Variants in MYO3B observed in about 807,000 individuals in gnomAD.
The protein encoded by MYO3B is myosin IIIB, also known as myosin-IIIb.
In MYO3B, 156 loss-of-function variants were observed where a neutral mutation model predicts 174.6. That is an observed-to-expected ratio of 0.89 (90% CI 0.78 to 1.02). MYO3B has a LOEUF of 1.02. Ranked by LOEUF, MYO3B falls within the 50% of genes least tolerant of loss-of-function variation. The pLI, the probability that MYO3B is intolerant of heterozygous loss-of-function variation, is 0.00. For missense variants in MYO3B, 1,632 were observed against 1,639.4 expected (o/e 1.00, Z 0.08); for synonymous variants, 563 against 569.1 (o/e 0.99, Z 0.15).
At chr2:170,602,192 T>C in intron 32 of MYO3B, 1 of 1,240,006 alleles carries the variant, frequency 8.1e-7, no homozygotes, top group South Asian at 1.2e-5. Context: ...TATGATGACA[T>C]TTTGCCTCTC....
At chr2:170,440,423 A>G (rs1031312660) in intron 22 of MYO3B, among the ~76,000 whole-genome samples, 5 of 152,168 alleles carry the variant, frequency 3.3e-5, no homozygotes, top group African/African-American at 9.7e-5. Context: ...AGTGATGTCC[A>G]TCAGTTTATT....
intron 22 of MYO3B, among the ~76,000 whole-genome samples, chr2:170,424,289 C>G (rs2094643250): frequency 6.6e-6 from 1 of 152,162 alleles, no homozygotes; most frequent in Non-Finnish European, 1.5e-5. Context: ...TCTTGCCTTC[C>G]TGGCTCTAAG....
chr2:170,342,641 A>AAAT (rs551190478), intron 8 of MYO3B, among the ~76,000 whole-genome samples: 1 of 152,182 alleles, frequency 6.6e-6, no homozygotes, highest in Non-Finnish European at 1.5e-5. Context: ...AGCACTTGAC[A>AAAT]AATAATAATA....
In MYO3B at chr2:170,383,618, T is replaced by A. The variant is rs1424680091; in HGVS notation, c.1186-92T>A. ...AGTCTTCCTAATGCAACAAGTACCC[T>A]AATAAGTGACAGATTCTTGGTTTCA... On this transcript the variant is annotated intron_variant, in intron 11 of 34. Transcript: ENST00000408978. 2.3e-5 allele frequency: 22 copies of A among 949,168 alleles called. No homozygotes were observed. The East Asian group carries it at 5.1e-4, about 22-fold the overall frequency. 58.8% of individuals were successfully genotyped at this position (949,168 alleles called of 1,614,324 possible).
At chr2:170,549,231 A>G (rs989289934) in intron 32 of MYO3B, among the ~76,000 whole-genome samples, 2 of 152,138 alleles carry the variant, frequency 1.3e-5, no homozygotes, top group Non-Finnish European at 2.9e-5. Flanking sequence ...CTCACCTAAG[A>G]GGTACCTCTG....
intron 1 of MYO3B, among the ~76,000 whole-genome samples, chr2:170,186,605 A>G (rs13031415): frequency 2.0e-5 from 3 of 152,138 alleles, no homozygotes; most frequent in Admixed American, 6.6e-5. Flanking sequence ...TGCCTTTGTC[A>G]GGTTTTGGTA....
chr2:170,228,356 G>C (rs754925721), intron 6 of MYO3B, among the ~76,000 whole-genome samples: 2 of 152,180 alleles, frequency 1.3e-5, no homozygotes, highest in East Asian at 1.9e-4. Context: ...TTGAATGAGT[G>C]AATCTTAAAG....
intron 6 of MYO3B, among the ~76,000 whole-genome samples, chr2:170,221,491 T>G (rs1559311398): frequency 6.6e-6 from 1 of 152,174 alleles, no homozygotes. Context: ...CACAGTTCAC[T>G]GGGGCACCTC....
At chr2:170,350,792 C>T (rs1221354373) in intron 8 of MYO3B, 1 of 152,152 alleles carries the variant, frequency 6.6e-6, no homozygotes, top group African/African-American at 2.4e-5. Context: ...TAGCTTCACA[C>T]TAATAGATCT....
intron 23 of MYO3B, among the ~76,000 whole-genome samples, chr2:170,460,202 ATTCTAGGCCG>A (rs1684184505): frequency 6.6e-6 from 1 of 152,018 alleles, no homozygotes; most frequent in Non-Finnish European, 1.5e-5. Context: ...AATATCACCT[ATTCTAGGCCG>A]GGCGTGGTGG....
chr2:170,567,636 C>T (rs1009194085), intron 32 of MYO3B, among the ~76,000 whole-genome samples: 2 of 152,196 alleles, frequency 1.3e-5, no homozygotes, highest in African/African-American at 4.8e-5. Context: ...AGGGGAATGA[C>T]CTTCTGAACA....
chr2:170,628,981 T>C (rs1399983586), intron 32 of MYO3B, among the ~76,000 whole-genome samples: 1 of 152,116 alleles, frequency 6.6e-6, no homozygotes, highest in Non-Finnish European at 1.5e-5. Context: ...AAAGTCTCCA[T>C]GAGAACAGTG....
At chr2:170,291,515 G>A (rs1166802259) in intron 7 of MYO3B, among the ~76,000 whole-genome samples, 8 of 152,172 alleles carry the variant, frequency 5.3e-5, no homozygotes, top group Admixed American at 1.3e-4. Context: ...ACTTTTACCA[G>A]TGGTTTTTAT....
intron 32 of MYO3B, among the ~76,000 whole-genome samples, chr2:170,583,078 C>G (rs2106306769): frequency 6.6e-6 from 1 of 151,580 alleles, no homozygotes; most frequent in South Asian, 2.1e-4. Flanking sequence ...CCCGCACACC[C>G]CCCACTGCAG....
Position 170,236,242 on chromosome 2 carries a change from C to A in MYO3B, c.749+106C>A. 5 of 1,442,096 alleles carry A rather than the reference C, an allele frequency of 3.5e-6. No individual in the cohort carries two copies. In the South Asian group the frequency reaches 4.8e-5, roughly 14 times the overall value. 89.3% of individuals were successfully genotyped at this position (1,442,096 alleles called of 1,614,324 possible). A position where few individuals can be genotyped will look rare whatever the true frequency, so the allele number is the denominator to read the frequency against. On this transcript the variant is annotated intron_variant, in intron 7 of 34. Transcript: ENST00000408978. ...CAATTTCTCTCCAAACCTGACAAAG[C>A]CTGATTGTGAAATATATTTTCTTTG...
chr2:170,388,037 TATA>T, intron 14 of MYO3B, among the ~76,000 whole-genome samples: 1 of 151,890 alleles, frequency 6.6e-6, no homozygotes, highest in African/African-American at 2.4e-5. Context: ...TAACTCTTCA[TATA>T]ATAATAATAG....
chr2:170,443,772 T>C (rs968561610), intron 22 of MYO3B, among the ~76,000 whole-genome samples, 195 bp from the exon 23 acceptor site: 5 of 145,164 alleles, frequency 3.4e-5, no homozygotes, highest in Non-Finnish European at 7.6e-5. Context: ...AGTTACAAAT[T>C]ATTTTAAACT....
Position 170,404,272 on chromosome 2 carries a change from A to T in MYO3B, c.2303A>T (p.Asp768Val). ...EQMEYQNEGI[D>V]AVPVEYEDNR... ...ATGGAATATCAGAATGAAGGCATTG[A>T]TGCTGTACCCGTGGAATATGAGGAC... The change falls in exon 20 of 35, where the codon GAT becomes GTT. Residue 768 changes from aspartate to valine, a missense_variant. Physicochemically the swap from Asp to Val is radical, Grantham distance 152. Transcript: ENST00000408978. The T allele has an allele frequency of 6.2e-7, 1 of 1,610,486 alleles. No homozygotes were observed. The highest frequency in any genetic ancestry group is 8.5e-7 in the Non-Finnish European group (1 of 1,178,630).
intron 32 of MYO3B, among the ~76,000 whole-genome samples, chr2:170,607,854 C>G (rs1427927106): frequency 6.6e-6 from 1 of 152,076 alleles, no homozygotes; most frequent in Non-Finnish European, 1.5e-5. Flanking sequence ...AGTAGACGCT[C>G]TAGGTAAAGG....
Sources: allele counts gnomAD v4.1 joint callset (sites outside exome capture counted in the v4.1 genomes callset), GRCh38; gene constraint gnomAD v4.1.1; transcripts MANE v1.5; gene names NCBI Gene and HGNC (gene_info 2026-07-23, HGNC 2026-07-21).